COL7A1: variants seen among roughly 807,000 people sequenced by gnomAD.
The protein encoded by COL7A1 is collagen alpha-1(VII) chain.
A neutral mutation model predicts 456.2 loss-of-function variants in COL7A1; 296 were observed. The observed-to-expected ratio is 0.65, with a 90% confidence interval of 0.59 to 0.71. The LOEUF (loss-of-function observed/expected upper bound fraction) is 0.71. Among genes scored for constraint, COL7A1 ranks in the 30% least tolerant of loss-of-function variants. The pLI is 0.00. For missense variants in COL7A1, 3,441 were observed against 4,017.2 expected (o/e 0.86, Z 3.88); for synonymous variants, 1,464 against 1,525.9 (o/e 0.96, Z 0.95).
Position 48,586,939 on chromosome 3 carries a change from G to A in COL7A1, c.3276+33C>T. 1 of 1,569,528 alleles carries A rather than the reference G, an allele frequency of 6.4e-7. No individual in the cohort carries two copies. The highest frequency in any genetic ancestry group is 8.6e-7 in the Non-Finnish European group (1 of 1,157,162). On this transcript the variant is annotated intron_variant, in intron 25 of 118. Coordinates refer to ENST00000681320, the MANE Select transcript of COL7A1 (RefSeq NM_000094.4). The surrounding 1 kb of genome is among the most constrained non-coding windows in gnomAD (Gnocchi z 5.1). ...TGGAGCCTGGGTGGGGGGCCTCAGG[G>A]AGAGGTAGAATCTGGCTGCCCCAGG...
In COL7A1 at chr3:48,595,303, G is replaced by C. The variant is rs1018297317; in HGVS notation, c.-37C>G. ...GCCCGCTCCCGCCGCCGCCGCTGCA[G>C]TCTCTCGGGCAGAGCAGAGAAAAGT... On this transcript the variant is annotated 5_prime_UTR_variant, in exon 1 of 119. Coordinates refer to ENST00000681320, the MANE Select transcript of COL7A1 (RefSeq NM_000094.4). The C allele has an allele frequency of 2.7e-5, 19 of 711,132 alleles. No homozygotes were observed. The highest frequency in any genetic ancestry group is 4.7e-5 in the Non-Finnish European group (19 of 401,528). The allele number at this position is 711,132 out of a possible 1,614,324, so 44.1% of individuals were successfully genotyped here. A position where few individuals can be genotyped will look rare whatever the true frequency, so the allele number is the denominator to read the frequency against.
At position 48,574,197 on chromosome 3, in the gene COL7A1, A is replaced by G; in HGVS notation, c.6501+65T>C. ...CACACACACACAGACATGCACACAC[A>G]CAGCAGCAGCAGCACCTAGCGGAGG... On this transcript the variant is annotated intron_variant, in intron 80 of 118. Transcript: ENST00000681320. This position sits in a 1 kb window ranked among gnomAD's most constrained non-coding sequence, Gnocchi z 5.0. The G allele has an allele frequency of 6.3e-7, 1 of 1,589,188 alleles. No individual in the cohort carries two copies. Among genetic ancestry groups the G allele is most frequent in the Non-Finnish European group, 8.6e-7 (1 of 1,159,062 alleles).
rs1183838086 is a variant in COL7A1 at position 48,581,447 on chromosome 3, C to A, written c.4818+1G>T. 6.2e-7 allele frequency: 1 copy of A among 1,614,038 alleles called. No homozygotes were observed. Among genetic ancestry groups the A allele is most frequent in the East Asian group, 2.2e-5 (1 of 44,872 alleles). On this transcript the variant is annotated splice_donor_variant, in intron 51 of 118. Transcript: ENST00000681320. LOFTEE classifies it high-confidence loss of function. This position sits in a 1 kb window ranked among gnomAD's most constrained non-coding sequence, Gnocchi z 5.8. ...GGTTGCCCAGGGTAACGGGTACTCA[C>A]TGGGGGTCCTGCTCTGCCAGTAAGG...
Position 48,567,322 on chromosome 3 carries a change from A to G in COL7A1, c.8047-132T>C, listed in dbSNP as rs546243200. 4 of 1,174,506 alleles carry G rather than the reference A, an allele frequency of 3.4e-6. No homozygotes were observed. The highest frequency in any genetic ancestry group is 3.7e-6 in the Non-Finnish European group (3 of 802,994). 72.8% of individuals were successfully genotyped at this position (1,174,506 alleles called of 1,614,324 possible). A position where few individuals can be genotyped will look rare whatever the true frequency, so the allele number is the denominator to read the frequency against. On this transcript the variant is annotated intron_variant, in intron 109 of 118. Transcript: ENST00000681320. The surrounding 1 kb of genome is among the most constrained non-coding windows in gnomAD (Gnocchi z 4.3). ...ACCCAAGCACCTGTGAGCCAACCAG[A>G]TGTGATCCCCATGACTCCAACTCCA...
rs2044694742 is a variant in COL7A1, at chr3:48,580,757, A to T, written c.4981-105T>A. 8.3e-6 allele frequency: 13 copies of T among 1,565,540 alleles called. No individual in the cohort carries two copies. The highest frequency in any genetic ancestry group is 1.1e-5 in the Non-Finnish European group (12 of 1,138,356). ...TCCCCATTACTCCAAAATCCACATC[A>T]GAGGTTCCCATCACCCCATGCCTCC... is the stretch of plus-strand genomic sequence containing the variant. On this transcript the variant is annotated intron_variant, in intron 54 of 118. Transcript: ENST00000681320. The surrounding 1 kb of genome is among the most constrained non-coding windows in gnomAD (Gnocchi z 4.5).
At chr3:48,584,200 T>C in intron 37 of COL7A1, 98 bp downstream of exon 37, 1 of 1,551,930 alleles carries the variant, frequency 6.4e-7, no homozygotes, top group East Asian at 2.4e-5. Flanking sequence ...ATGGGGGTAA[T>C]CAAAGGGTCA....
rs1352813127 is a variant in COL7A1, at chr3:48,583,179, GA to G, written c.4438-9del. On this transcript the variant is annotated splice_polypyrimidine_tract_variant and intron_variant, in intron 42 of 118. Transcript: ENST00000681320. This position sits in a 1 kb window ranked among gnomAD's most constrained non-coding sequence, Gnocchi z 5.1. ...TGGAAAGCCCCGGTCACCCTGAAGAGAGAGGGTGAGAGAAAGACAGAGAGAG... is the reference window on the plus strand; with the variant it reads ...TGGAAAGCCCCGGTCACCCTGAAGAGGAGGGTGAGAGAAAGACAGAGAGAG... 1 of 1,613,666 alleles carries G rather than the reference GA, an allele frequency of 6.2e-7. No individual in the cohort carries two copies. Among genetic ancestry groups the G allele is most frequent in the African/African-American group, 1.3e-5 (1 of 74,892 alleles).
Position 48,584,955 on chromosome 3 carries a change from G to A in COL7A1, c.3976-10C>T, listed in dbSNP as rs745553627. On this transcript the variant is annotated splice_polypyrimidine_tract_variant and intron_variant, in intron 33 of 118. Coordinates refer to ENST00000681320, the MANE Select transcript of COL7A1 (RefSeq NM_000094.4). ...GCAACCCTGGAGAGCCCTGCAAATG[G>A]AGGCCAGAGGCAGAACAGTCGGAGC... 8 of 1,613,716 alleles carry A rather than the reference G, an allele frequency of 5.0e-6. No homozygotes were observed. The East Asian group carries it at 1.8e-4, about 36-fold the overall frequency.
Position 48,580,763 on chromosome 3 carries a change from TC to T in COL7A1, c.4981-112del. ...TTACTCCAAAATCCACATCAGAGGT[TC>T]CCATCACCCCATGCCTCCCTGCAGG... On this transcript the variant is annotated intron_variant, in intron 54 of 118. Transcript: ENST00000681320. The surrounding 1 kb of genome is among the most constrained non-coding windows in gnomAD (Gnocchi z 4.5). 6.4e-7 allele frequency: 1 copy of T among 1,566,618 alleles called. No homozygotes were observed. The highest frequency in any genetic ancestry group is 8.8e-7 in the Non-Finnish European group (1 of 1,139,214).
chr3:48,592,887 C>G lies in COL7A1; in HGVS notation c.734G>C (p.Ser245Thr). ...PRDLVLSEPS[S>T]QSLRVQWTAA... ...TGTCCACTGTACTCTCAAGGATTGGCTGCTTGGCTCAGACAGCACCAGGTC... is the reference window on the plus strand; with the variant it reads ...TGTCCACTGTACTCTCAAGGATTGGGTGCTTGGCTCAGACAGCACCAGGTC... Residue 245 changes from serine (S) to threonine (T), a missense_variant, in exon 7 of 119, where the codon AGC becomes ACC. Around this residue, in one of 3 missense-constraint regions of COL7A1, gnomAD observed 913 missense variants for 1,088.2 expected, o/e 0.84. Transcript: ENST00000681320. This position sits in a 1 kb window ranked among gnomAD's most constrained non-coding sequence, Gnocchi z 7.6. 6.2e-7 allele frequency: 1 copy of G among 1,614,056 alleles called. No individual in the cohort carries two copies. The highest frequency in any genetic ancestry group is 8.5e-7 in the Non-Finnish European group (1 of 1,180,022).
intron 18 of COL7A1, 46 bp downstream of exon 18, chr3:48,589,281 G>T (rs2045522261): frequency 6.2e-7 from 1 of 1,610,802 alleles, no homozygotes; most frequent in South Asian, 1.1e-5. Context: ...CAGCAGGGCA[G>T]GGTAGCTAAT....
Position 48,574,826 on chromosome 3 carries a change from G to C in COL7A1, c.6319C>G (p.Gln2107Glu). ...GCACCCTTGAGTCCAGGGGGTCCCT[G>C]TTCTCCAGAGAGTCCAGGACCTGGC... ...DEPGPGLSGEQGPPGLKGAKG... is the reference protein window; with the variant it reads ...DEPGPGLSGEEGPPGLKGAKG... The change falls in exon 77 of 119, where the codon CAG becomes GAG. Residue 2107 changes from glutamine to glutamate, a missense_variant. Transcript: ENST00000681320. This position sits in a 1 kb window ranked among gnomAD's most constrained non-coding sequence, Gnocchi z 5.0. The C allele has an allele frequency of 6.2e-7, 1 of 1,613,978 alleles. No individual in the cohort carries two copies.
Position 48,590,172 on chromosome 3 carries a change from CA to C in COL7A1, c.2050+40del, listed in dbSNP as rs1337960391. On this transcript the variant is annotated intron_variant, in intron 16 of 118. Coordinates refer to ENST00000681320, the MANE Select transcript of COL7A1 (RefSeq NM_000094.4). The surrounding 1 kb of genome is among the most constrained non-coding windows in gnomAD (Gnocchi z 4.6). ...GGGAAGGCATGGGGGTCTGAAAGAGCAATGGAGGCAGAGAGCCAAGGGACGG... is the reference window on the plus strand; with the variant it reads ...GGGAAGGCATGGGGGTCTGAAAGAGCATGGAGGCAGAGAGCCAAGGGACGG... 1 of 1,603,624 alleles carries C rather than the reference CA, an allele frequency of 6.2e-7. No individual in the cohort carries two copies. Among genetic ancestry groups the C allele is most frequent in the Non-Finnish European group, 8.5e-7 (1 of 1,174,650 alleles).
Position 48,592,651 on chromosome 3 carries a change from G to A in COL7A1, c.895C>T (p.Pro299Ser), listed in dbSNP as rs1287344057. ...ETSVRLRGLRPLTEYQVTVIA... is the reference protein window; with the variant it reads ...ETSVRLRGLRSLTEYQVTVIA... ...ACAGTCACTTGGTACTCGGTCAGTG[G>A]CCGGAGACCCCGCAGCCGCACACTG... is the stretch of plus-strand genomic sequence containing the variant. The change falls in exon 8 of 119, where the codon CCA becomes TCA. Residue 299 changes from proline (P) to serine (S), a missense_variant. By Grantham distance (74) the Pro-to-Ser change is moderately conservative (BLOSUM62 -1). Transcript: ENST00000681320. The surrounding 1 kb of genome is among the most constrained non-coding windows in gnomAD (Gnocchi z 7.6). The A allele has an allele frequency of 4.3e-6, 7 of 1,613,904 alleles. No homozygotes were observed. Among genetic ancestry groups the A allele is most frequent in the Non-Finnish European group, 5.9e-6 (7 of 1,180,002 alleles).
chr3:48,569,510 G>C lies in COL7A1; in HGVS notation c.7615-64C>G, dbSNP rs2043777612. The C allele has an allele frequency of 1.2e-6, 2 of 1,612,926 alleles. No individual in the cohort carries two copies. The highest frequency in any genetic ancestry group is 1.7e-5 in the Admixed American group (1 of 60,020). On this transcript the variant is annotated intron_variant, in intron 102 of 118. Coordinates refer to ENST00000681320, the MANE Select transcript of COL7A1 (RefSeq NM_000094.4). The surrounding 1 kb of genome is among the most constrained non-coding windows in gnomAD (Gnocchi z 4.9). ...AAGGTCCCTCACCCTCTGGGAGTTT[G>C]AGCTCTCAGATGCCCTGGGCCAGCC...
rs758686564 is a variant in COL7A1 at position 48,589,644 on chromosome 3, C to T, written c.2125G>A (p.Val709Ile). ...SSSVTITWTR[V>I]PGATGYRVSW... ...ACCCTGTATCCTGTGGCGCCAGGAA[C>T]CCTGGTCCAGGTAATGGTGACAGAT... The change falls in exon 17 of 119, where the codon GTT (valine) becomes ATT (isoleucine). Residue 709 changes from valine (V) to isoleucine (I), a missense_variant. Transcript: ENST00000681320. The T allele has an allele frequency of 6.2e-6, 10 of 1,613,862 alleles. 1 individual carries two copies. In the South Asian group the frequency reaches 1.1e-4, roughly 18 times the overall value.
At position 48,582,495 on chromosome 3, in the gene COL7A1, C is replaced by T; in HGVS notation, c.4582G>A (p.Gly1528Ser). ...GGACCCACCTTCTCTCCTTGGCGGC[C>T]AGTGGGTCCTGGTGGCCCCTGAATG... ...KGPEGPPGPT[G>S]RQGEKGEPGR... The change falls in exon 46 of 119, where the codon GGC becomes AGC. Residue 1528 changes from glycine (G) to serine (S), a missense_variant. Transcript: ENST00000681320. 1 of 1,614,154 alleles carries T rather than the reference C, an allele frequency of 6.2e-7. No homozygotes were observed. The highest frequency in any genetic ancestry group is 8.5e-7 in the Non-Finnish European group (1 of 1,180,038).
chr3:48,589,294 G>A lies in COL7A1; in HGVS notation c.2314+33C>T, dbSNP rs187679403. 8.0e-4 allele frequency: 1,285 copies of A among 1,611,166 alleles called. 1 individual carries two copies. The highest frequency in any genetic ancestry group is 4.7e-3 in the Middle Eastern group (23 of 4,878). On this transcript the variant is annotated intron_variant, in intron 18 of 118. Transcript: ENST00000681320. Reference sequence around the variant, plus strand: ...CACAGCAGGGCAGGGTAGCTAATGCGGTGTGGCTAGTAGCTGGCCAGGGTC... The same window carrying A: ...CACAGCAGGGCAGGGTAGCTAATGCAGTGTGGCTAGTAGCTGGCCAGGGTC...
At position 48,569,606 on chromosome 3, in the gene COL7A1, C is replaced by G; in HGVS notation, c.7600G>C (p.Ala2534Pro). 4 of 1,613,808 alleles carry G rather than the reference C, an allele frequency of 2.5e-6. No homozygotes were observed. The highest frequency in any genetic ancestry group is 3.4e-6 in the Non-Finnish European group (4 of 1,179,836). The change falls in exon 102 of 119, where the codon GCC becomes CCC. Residue 2534 changes from alanine (A) to proline (P), a missense_variant. Around this residue, in one of 3 missense-constraint regions of COL7A1, gnomAD observed 2,084 missense variants for 2,501.3 expected, o/e 0.83. Transcript: ENST00000681320. The surrounding 1 kb of genome is among the most constrained non-coding windows in gnomAD (Gnocchi z 4.9). ...VILGPPGPRGAKGDMGERGPR... is the reference protein window; with the variant it reads ...VILGPPGPRGPKGDMGERGPR... ...GGCCCACTCACCATGTCCCCCTTGGCACCCCGTGGGCCTGGAGGCCCCAGG... is the reference window on the plus strand; with the variant it reads ...GGCCCACTCACCATGTCCCCCTTGGGACCCCGTGGGCCTGGAGGCCCCAGG...
Sources: gnomAD v4.1 joint callset for allele counts on GRCh38, gnomAD v4.1.1 for gene constraint, gnomAD v4.1.1 regional missense constraint, Gnocchi (gnomAD v3.1) non-coding constraint, MANE v1.5 for transcripts, NCBI Gene and HGNC (gene_info 2026-07-23, HGNC 2026-07-21) for gene names.